The following BACC1 variants were observed in gnomAD, a reference collection of about 807,000 sequenced individuals.
BACC1 encodes BPTF associated chromatin complex component 1.
chr17:7,015,428 G>C, the BACC1 span: 49 of 1,364,556 alleles, frequency 3.6e-5, no homozygotes, highest in Non-Finnish European at 4.4e-5. Flanking sequence ...CCCAGTTCAT[G>C]GAATTCCCCC....
the BACC1 span, chr17:7,016,856 C>T: frequency 6.4e-7 from 1 of 1,557,748 alleles, no homozygotes; most frequent in Middle Eastern, 1.7e-4. Flanking sequence ...AAGCTTGGGG[C>T]TGGGGGAGAG....
chr17:7,015,071 A>G, the BACC1 span: 1 of 1,556,952 alleles, frequency 6.4e-7, no homozygotes, highest in Non-Finnish European at 8.6e-7. Flanking sequence ...GGTCGGAGAG[A>G]TCTTCTCGGC....
chr17:7,014,917 C>A, the BACC1 span: 1 of 1,470,962 alleles, frequency 6.8e-7, no homozygotes, highest in Non-Finnish European at 9.0e-7. The surrounding 1 kb of genome is among the most constrained non-coding windows in gnomAD (Gnocchi z 4.5). Context: ...CTGGCGGCCA[C>A]GGGAGGGCGG....
chr17:7,015,500 C>T, the BACC1 span: 12 of 1,374,822 alleles, frequency 8.7e-6, no homozygotes, highest in Admixed American at 3.4e-5. Context: ...GAGTTGGTTT[C>T]AGTGTGCTGT....
chr17:7,015,628 C>T, the BACC1 span: 8 of 1,322,966 alleles, frequency 6.0e-6, no homozygotes, highest in Non-Finnish European at 7.1e-6. Context: ...TTCCGCCTCC[C>T]CTTACGGAGG....
the BACC1 span, chr17:7,017,024 C>G: frequency 1.3e-5 from 21 of 1,597,916 alleles, no homozygotes; most frequent in South Asian, 1.1e-5. Flanking sequence ...GGTAGGAGTC[C>G]TCCTCCTCCC....
the BACC1 span, chr17:7,016,735 T>G: frequency 1.9e-6 from 3 of 1,573,858 alleles, no homozygotes; most frequent in Non-Finnish European, 2.6e-6. Context: ...CATCTGAGGT[T>G]TAGTGAGAGA....
chr17:7,015,001 G>A, the BACC1 span: 2 of 1,427,180 alleles, frequency 1.4e-6, no homozygotes, highest in East Asian at 3.0e-5. Context: ...GTGGGGCTAG[G>A]GGCTCCGGGC....
chr17:7,017,209 C>T, the BACC1 span: 1 of 1,613,884 alleles, frequency 6.2e-7, no homozygotes, highest in Admixed American at 1.7e-5. Context: ...GCCTTGGAAG[C>T]ACACTGGGGG....
chr17:7,017,222 C>T, the BACC1 span: 20 of 1,613,940 alleles, frequency 1.2e-5, no homozygotes, highest in Admixed American at 1.5e-4. Context: ...ACTGGGGGCT[C>T]GCTCCATCTC....
At chr17:7,014,804 C>T in the BACC1 span, 8 of 1,522,086 alleles carry the variant, frequency 5.3e-6, no homozygotes, top group Admixed American at 1.0e-4. This position sits in a 1 kb window ranked among gnomAD's most constrained non-coding sequence, Gnocchi z 4.5. Flanking sequence ...CTCCGTGGTC[C>T]CGGCTCGCGT....
the BACC1 span, chr17:7,015,226 T>G: frequency 1.4e-5 from 20 of 1,478,586 alleles, no homozygotes; most frequent in Non-Finnish European, 1.6e-5. Flanking sequence ...ACACGGACCC[T>G]CTCTAGCACA....
the BACC1 span, chr17:7,017,244 C>A: frequency 6.2e-7 from 1 of 1,614,136 alleles, no homozygotes; most frequent in Middle Eastern, 1.6e-4. Context: ...GCCCATTTTA[C>A]TTCCTGTTCC....
the BACC1 span, chr17:7,014,942 T>C: frequency 1.6e-5 from 23 of 1,463,952 alleles, no homozygotes; most frequent in Middle Eastern, 1.9e-4. The surrounding 1 kb of genome is among the most constrained non-coding windows in gnomAD (Gnocchi z 4.5). Context: ...CCCACTTGGC[T>C]CGCGGCTCTT....
At chr17:7,015,045 C>T in the BACC1 span, 101 of 1,500,460 alleles carry the variant, frequency 6.7e-5, no homozygotes, top group South Asian at 1.3e-3. Context: ...CCCCCCGTGA[C>T]GCTGCCCCGC....
the BACC1 span, chr17:7,015,741 AT>A: frequency 6.3e-7 from 1 of 1,577,766 alleles, no homozygotes; most frequent in Non-Finnish European, 8.7e-7. Flanking sequence ...CCCCCCTCCC[AT>A]TTTTGCTATC....
At chr17:7,015,386 G>A in the BACC1 span, 13 of 1,373,126 alleles carry the variant, frequency 9.5e-6, no homozygotes, top group Non-Finnish European at 1.2e-5. Flanking sequence ...CTGCGAACGG[G>A]TCGACCACAA....
chr17:7,014,812 C>A, the BACC1 span: 1 of 1,525,026 alleles, frequency 6.6e-7, no homozygotes, highest in Non-Finnish European at 8.8e-7. The surrounding 1 kb of genome is among the most constrained non-coding windows in gnomAD (Gnocchi z 4.5). Context: ...TCCCGGCTCG[C>A]GTGTAGCGGC....
chr17:7,017,430 C>T, the BACC1 span: 6 of 1,004,962 alleles, frequency 6.0e-6, no homozygotes, highest in Admixed American at 3.6e-5. Context: ...GCTGCCACCT[C>T]GCTATTCCCG....
Sources: gnomAD v4.1 joint callset for allele counts on GRCh38, gnomAD v4.1.1 for gene constraint, Gnocchi (gnomAD v3.1) non-coding constraint, MANE v1.5 for transcripts, NCBI Gene and HGNC (gene_info 2026-07-23, HGNC 2026-07-21) for gene names.